ARHGAP6: variants seen among roughly 807,000 people sequenced by gnomAD.
ARHGAP6 encodes Rho GTPase activating protein 6, also known as rho GTPase-activating protein 6.
A neutral mutation model predicts 55.7 loss-of-function variants in ARHGAP6; 16 were observed. The ratio of observed to expected loss-of-function variants is 0.29; its 90% CI spans 0.19 to 0.44. The LOEUF (loss-of-function observed/expected upper bound fraction) is 0.44, where lower values mean the gene tolerates loss of function less well. Among genes scored for constraint, ARHGAP6 ranks in the 20% least tolerant of loss-of-function variants. The probability of loss-of-function intolerance (pLI) is 1.00; values close to 1 mark genes in which losing one functional copy is unlikely to be tolerated. For missense variants in ARHGAP6, 698 were observed against 808.9 expected (o/e 0.86, Z 1.66); for synonymous variants, 382 against 360.9 (o/e 1.06, Z -0.66).
intron 2 of ARHGAP6, among the ~76,000 whole-genome samples, chrX:11,220,810 A>G (rs1425247207): frequency 9.2e-6 from 1 of 109,248 alleles, no homozygotes; most frequent in Non-Finnish European, 1.9e-5. Flanking sequence ...AATGGACTAA[A>G]TGCTCCAATT....
At chrX:11,287,623 T>G (rs192617952) in intron 1 of ARHGAP6, among the ~76,000 whole-genome samples, 79 of 111,974 alleles carry the variant, frequency 7.1e-4, no homozygotes, top group African/African-American at 2.5e-3. Context: ...CAACAGCCCA[T>G]CTGCCATTGC....
At chrX:11,452,326 T>G (rs1479191331) in intron 1 of ARHGAP6, among the ~76,000 whole-genome samples, 3 of 111,151 alleles carry the variant, frequency 2.7e-5, no homozygotes, top group Non-Finnish European at 1.9e-5. Context: ...TTTTGTATTT[T>G]TAGTAGAGAC....
intron 1 of ARHGAP6, among the ~76,000 whole-genome samples, chrX:11,361,096 T>C (rs1202888769): frequency 3.7e-5 from 4 of 109,396 alleles, no homozygotes; most frequent in Non-Finnish European, 5.7e-5. Context: ...ATTTATAGAT[T>C]CAATGCCATC....
At chrX:11,191,998 TGTAA>T (rs2046468041) in intron 3 of ARHGAP6, among the ~76,000 whole-genome samples, 1 of 111,975 alleles carries the variant, frequency 8.9e-6, no homozygotes, top group African/African-American at 3.3e-5. Context: ...GGTCTCTCTC[TGTAA>T]GTGACAGCAC....
At chrX:11,585,383 A>C (rs2051720738) in intron 1 of ARHGAP6, among the ~76,000 whole-genome samples, 1 of 112,496 alleles carries the variant, frequency 8.9e-6, no homozygotes, top group African/African-American at 3.2e-5. Flanking sequence ...GAACTAATGT[A>C]CATTCTCACC....
chrX:11,478,451 C>T (rs1475557957), intron 1 of ARHGAP6, among the ~76,000 whole-genome samples: 9 of 111,786 alleles, frequency 8.1e-5, no homozygotes, highest in Non-Finnish European at 1.5e-4. Flanking sequence ...AGTATTATTC[C>T]ATTTATATGG....
intron 2 of ARHGAP6, among the ~76,000 whole-genome samples, chrX:11,237,322 C>T (rs896159871): frequency 2.7e-5 from 3 of 112,146 alleles, no homozygotes; most frequent in African/African-American, 9.7e-5. Context: ...TGCAAAATGG[C>T]CATATCCAGT....
intron 1 of ARHGAP6, among the ~76,000 whole-genome samples, chrX:11,443,134 T>C (rs1455494840): frequency 8.9e-6 from 1 of 112,282 alleles, no homozygotes; most frequent in Admixed American, 9.4e-5. Context: ...TCAAACACCA[T>C]TGATCTGTTT....
chrX:11,493,835 C>CTTTTTTTT (rs35315280), intron 1 of ARHGAP6, among the ~76,000 whole-genome samples: 2 of 88,413 alleles, frequency 2.3e-5, no homozygotes, highest in African/African-American at 8.3e-5. Context: ...AACAGAATGC[C>CTTTTTTTT]TTTTTTTTTT....
chrX:11,352,324 A>AGC (rs2048872826), intron 1 of ARHGAP6, among the ~76,000 whole-genome samples: 1 of 112,040 alleles, frequency 8.9e-6, no homozygotes, highest in Non-Finnish European at 1.9e-5. Context: ...GATGAAAGAT[A>AGC]TTCACTGCCT....
chrX:11,448,440 T>C (rs1012045790), intron 1 of ARHGAP6, among the ~76,000 whole-genome samples: 14 of 111,873 alleles, frequency 1.3e-4, no homozygotes, highest in Admixed American at 5.7e-4. Flanking sequence ...TTATCCCAGA[T>C]GGGGTTCAGA....
At chrX:11,452,536 T>C (rs1475978110) in intron 1 of ARHGAP6, among the ~76,000 whole-genome samples, 1 of 112,075 alleles carries the variant, frequency 8.9e-6, no homozygotes, top group Admixed American at 9.5e-5. Flanking sequence ...ACACATTGAG[T>C]GGTTGCATTT....
In ARHGAP6 at chrX:11,512,444, T is replaced by C. The variant is rs751915509; in HGVS notation, c.588+151797A>G. 2.7e-5 allele frequency among the ~76,000 whole-genome samples: 3 copies of C among 111,452 alleles called. No individual in the cohort carries two copies. The South Asian group carries it at 1.1e-3, about 42-fold the overall frequency. On this transcript the variant is annotated intron_variant, in intron 1 of 12. Coordinates refer to ENST00000337414, the MANE Select transcript of ARHGAP6 (RefSeq NM_013427.3). ...AGTTTATCTTACTGATGGAGCCTAT[T>C]AACAGTTTCTCCATATATACAACCT... is the stretch of plus-strand genomic sequence containing the variant.
At chrX:11,288,106 T>G (rs1345597499) in intron 1 of ARHGAP6, among the ~76,000 whole-genome samples, 1 of 112,772 alleles carries the variant, frequency 8.9e-6, no homozygotes, top group African/African-American at 3.2e-5. Flanking sequence ...GCTGCTCTAC[T>G]TTTTCCTTTT....
chrX:11,664,978 C>A lies in ARHGAP6; in HGVS notation c.-150G>T. ...GCAGTGGAGAGCAAAGCCCAGCTCA[C>A]GCGCCGCCGGTGCGCTCCAAGTGCC... On this transcript the variant is annotated 5_prime_UTR_variant, in exon 1 of 13. Transcript: ENST00000337414. The A allele has an allele frequency of 1.9e-6, 1 of 514,111 alleles. No individual in the cohort carries two copies. 42.4% of individuals were successfully genotyped at this position (514,111 alleles called of 1,213,427 possible).
Position 11,202,918 on chromosome X carries a change from A to C in ARHGAP6, c.749-5922T>G, listed in dbSNP as rs1250938239. 3.7e-5 allele frequency among the ~76,000 whole-genome samples: 4 copies of C among 109,176 alleles called. No individual in the cohort carries two copies. In the Admixed American group the frequency reaches 4.0e-4, roughly 11 times the overall value. 94.8% of individuals were successfully genotyped at this position (109,176 alleles called of 115,157 possible). ...GTGGGAGGTCAGACTCTGGAAACAG[A>C]CAGCCTTGTTCCAAATCTACTCCCT... is the stretch of plus-strand genomic sequence containing the variant. On this transcript the variant is annotated intron_variant, in intron 2 of 12. Coordinates refer to ENST00000337414, the MANE Select transcript of ARHGAP6 (RefSeq NM_013427.3).
At chrX:11,393,202 T>A (rs1158853087) in intron 1 of ARHGAP6, among the ~76,000 whole-genome samples, 1 of 111,327 alleles carries the variant, frequency 9.0e-6, no homozygotes, top group African/African-American at 3.3e-5. Flanking sequence ...TCAAGAGCAA[T>A]TTAAGTTTTT....
intron 1 of ARHGAP6, among the ~76,000 whole-genome samples, chrX:11,453,194 C>CATAATATATATATATGCTA (rs1569350313): frequency 9.3e-4 from 90 of 97,095 alleles, no homozygotes; most frequent in African/African-American, 2.9e-3. Context: ...CTCTCTCTCT[C>CATAATATATATATATGCTA]TATATATATA....
chrX:11,186,568 G>T, intron 4 of ARHGAP6, 137 bp from the exon 5 acceptor site: 1 of 396,650 alleles, frequency 2.5e-6, no homozygotes, highest in Non-Finnish European at 4.2e-6. Context: ...TTCTTTAATT[G>T]TTCTGTTTGT....
Sources: allele counts gnomAD v4.1 joint callset (sites outside exome capture counted in the v4.1 genomes callset), GRCh38; gene constraint gnomAD v4.1.1; transcripts MANE v1.5; gene names NCBI Gene and HGNC (gene_info 2026-07-23, HGNC 2026-07-21).